The following GPC6 variants were observed in gnomAD, a reference collection of about 807,000 sequenced individuals.
The protein encoded by GPC6 is glypican-6.
GPC6 carries 14 observed loss-of-function variants against 55.2 expected under a neutral mutation model. The observed-to-expected ratio is 0.25, with a 90% CI of 0.17 to 0.40. The LOEUF is 0.40. Ranked by LOEUF, GPC6 falls within the 10% of genes least tolerant of loss-of-function variation. The pLI is 1.00. For missense variants in GPC6, 641 were observed against 708.5 expected (o/e 0.90, Z 1.08); for synonymous variants, 278 against 259.6 (o/e 1.07, Z -0.68).
chr13:93,788,126 CA>C (rs558518204), intron 2 of GPC6, among the ~76,000 whole-genome samples: 140 of 152,236 alleles, frequency 9.2e-4, no homozygotes, highest in African/African-American at 3.3e-3. Flanking sequence ...ACAAATATCA[CA>C]AATATTTAAT....
intron 2 of GPC6, among the ~76,000 whole-genome samples, chr13:93,693,089 C>T (rs1882315801): frequency 6.6e-6 from 1 of 152,024 alleles, no homozygotes; most frequent in African/African-American, 2.4e-5. Flanking sequence ...AATTTCTGGC[C>T]TCTCTTTTCT....
At chr13:93,695,697 T>G (rs184095667) in intron 2 of GPC6, among the ~76,000 whole-genome samples, 3 of 152,226 alleles carry the variant, frequency 2.0e-5, no homozygotes, top group Admixed American at 1.3e-4. Context: ...AATGGATATT[T>G]AAAATATGCT....
chr13:93,479,078 T>C (rs548813554), intron 1 of GPC6, among the ~76,000 whole-genome samples: 1 of 152,286 alleles, frequency 6.6e-6, no homozygotes, highest in African/African-American at 2.4e-5. Context: ...TTTTGAAGGA[T>C]AGGCCTTGCA....
chr13:93,672,693 A>G (rs1202075659), intron 2 of GPC6, among the ~76,000 whole-genome samples: 2 of 151,596 alleles, frequency 1.3e-5, no homozygotes. Context: ...ATATATATAT[A>G]TAATCTCAGT....
At chr13:94,110,456 G>A (rs1886205539) in intron 4 of GPC6, among the ~76,000 whole-genome samples, 1 of 152,046 alleles carries the variant, frequency 6.6e-6, no homozygotes, top group African/African-American at 2.4e-5. Context: ...GTTGAAAATG[G>A]GGCCGAAGGG....
rs201668186 is a variant in GPC6, at chr13:94,227,340, G to GA, written c.878-59002dup. Among the ~76,000 whole-genome samples the GA allele has an allele frequency of 5.7e-3, 871 of 152,116 alleles. 14 individuals are homozygous for GA. Among genetic ancestry groups the GA allele is most frequent in the African/African-American group, 0.019 (802 of 41,502 alleles). On this transcript the variant is annotated intron_variant, in intron 4 of 8. Coordinates refer to ENST00000377047, the MANE Select transcript of GPC6 (RefSeq NM_005708.5). ...TATGTAAACCTTACTTCACGTGAAG[G>GA]AAAAAAATCACTTAAAAAATTCGTA...
At chr13:93,413,678 TGG>T (rs1175274201) in intron 1 of GPC6, among the ~76,000 whole-genome samples, 3 of 152,086 alleles carry the variant, frequency 2.0e-5, no homozygotes, top group African/African-American at 7.2e-5. Context: ...GATAGTATTA[TGG>T]AAGGATGCAT....
chr13:93,480,735 G>A (rs1052975391), intron 1 of GPC6, among the ~76,000 whole-genome samples: 2 of 151,918 alleles, frequency 1.3e-5, no homozygotes, highest in African/African-American at 4.8e-5. Flanking sequence ...ACTTAGTGTA[G>A]TATGTTCAAG....
intron 2 of GPC6, among the ~76,000 whole-genome samples, chr13:93,620,130 T>A (rs934877454): frequency 6.6e-6 from 1 of 152,192 alleles, no homozygotes; most frequent in African/African-American, 2.4e-5. Context: ...GACTTTATAT[T>A]GTTTTTGGAT....
chr13:93,578,311 A>G (rs1358630546), intron 2 of GPC6, among the ~76,000 whole-genome samples: 1 of 152,080 alleles, frequency 6.6e-6, no homozygotes, highest in African/African-American at 2.4e-5. Context: ...AGAATTCAGC[A>G]GGGAAGCCAC....
At chr13:94,090,330 G>T (rs915086172) in intron 4 of GPC6, among the ~76,000 whole-genome samples, 3 of 152,056 alleles carry the variant, frequency 2.0e-5, no homozygotes, top group Non-Finnish European at 2.9e-5. Flanking sequence ...GGGATTATGG[G>T]AGCTACATTT....
chr13:93,596,081 C>A (rs1877714258), intron 2 of GPC6, among the ~76,000 whole-genome samples: 1 of 152,160 alleles, frequency 6.6e-6, no homozygotes, highest in African/African-American at 2.4e-5. Flanking sequence ...ACAGATATTG[C>A]ATTATTCAGC....
At chr13:94,337,501 G>A (rs2139151085) in intron 6 of GPC6, among the ~76,000 whole-genome samples, 1 of 151,010 alleles carries the variant, frequency 6.6e-6, no homozygotes, top group African/African-American at 2.4e-5. Context: ...AGGCTGGAGT[G>A]CAGTGGCGCA....
At chr13:93,284,314 C>A (rs1878042580) in intron 1 of GPC6, among the ~76,000 whole-genome samples, 1 of 152,142 alleles carries the variant, frequency 6.6e-6, no homozygotes, top group Admixed American at 6.5e-5. Flanking sequence ...ATGTGTATGT[C>A]TTACAAATAG....
chr13:94,371,568 G>A (rs907589500), intron 6 of GPC6, among the ~76,000 whole-genome samples: 1 of 152,110 alleles, frequency 6.6e-6, no homozygotes, highest in Non-Finnish European at 1.5e-5. Flanking sequence ...TGTGAAGATC[G>A]AATGCACGTG....
chr13:93,807,548 C>T (rs550272664), intron 2 of GPC6, among the ~76,000 whole-genome samples: 38 of 152,278 alleles, frequency 2.5e-4, no homozygotes, highest in African/African-American at 8.9e-4. Flanking sequence ...GACAAAATGG[C>T]ATGAAGGCAA....
intron 4 of GPC6, among the ~76,000 whole-genome samples, chr13:94,060,841 C>T (rs1304559921): frequency 6.6e-6 from 1 of 152,050 alleles, no homozygotes; most frequent in South Asian, 2.1e-4. Flanking sequence ...TTTGCCAAAC[C>T]GTCTGATTAA....
At chr13:93,872,348 T>C (rs1247158068) in intron 3 of GPC6, among the ~76,000 whole-genome samples, 2 of 151,998 alleles carry the variant, frequency 1.3e-5, no homozygotes, top group African/African-American at 4.8e-5. Context: ...TAATTAAGAA[T>C]AGCAACAGTT....
At chr13:94,302,759 G>C (rs74105766) in intron 5 of GPC6, among the ~76,000 whole-genome samples, 2,782 of 152,252 alleles carry the variant, frequency 0.018, 65 homozygotes, top group African/African-American at 0.061. Context: ...GATGGCCACG[G>C]GTGGCTTCCA....
Sources: allele counts gnomAD v4.1 joint callset (sites outside exome capture counted in the v4.1 genomes callset), GRCh38; gene constraint gnomAD v4.1.1; transcripts MANE v1.5; gene names NCBI Gene and HGNC (gene_info 2026-07-23, HGNC 2026-07-21).